The following FILIP1 variants were observed in gnomAD, a reference collection of about 807,000 sequenced individuals.
FILIP1 encodes the protein filamin-A-interacting protein 1.
FILIP1 carries 61 observed loss-of-function variants against 102.1 expected under a neutral mutation model. That is an observed-to-expected ratio of 0.60 (90% CI 0.49 to 0.74). FILIP1 has a LOEUF of 0.74. Ranked by LOEUF, FILIP1 falls within the 30% of genes least tolerant of loss-of-function variation. The probability of loss-of-function intolerance (pLI) is 0.00; values close to 1 mark genes in which losing one functional copy is unlikely to be tolerated. For synonymous variants in FILIP1, 491 were observed against 526.9 expected, an observed-to-expected ratio of 0.93 and a Z score of 0.93; for missense variants, 1,314 against 1,441.2, an observed-to-expected ratio of 0.91 and a Z score of 1.43.
intron 4 of FILIP1, among the ~76,000 whole-genome samples, chr6:75,334,963 G>T (rs908809857): frequency 1.3e-5 from 2 of 152,110 alleles, no homozygotes; most frequent in African/African-American, 4.8e-5. Flanking sequence ...TGGGAATTAC[G>T]CTCCACACTA....
intron 4 of FILIP1, among the ~76,000 whole-genome samples, chr6:75,318,215 A>G (rs1256435376): frequency 2.7e-5 from 4 of 147,426 alleles, no homozygotes; most frequent in East Asian, 2.0e-4. Context: ...TATAATATCA[A>G]TTATTATACA....
chr6:75,440,434 A>C (rs1298605510), intron 1 of FILIP1, among the ~76,000 whole-genome samples: 1 of 152,206 alleles, frequency 6.6e-6, no homozygotes, highest in Non-Finnish European at 1.5e-5. Flanking sequence ...GAGAATTTTC[A>C]CTATGAAGGG....
intron 4 of FILIP1, among the ~76,000 whole-genome samples, chr6:75,327,475 G>C (rs1773904579): frequency 6.6e-6 from 1 of 151,624 alleles, no homozygotes; most frequent in Non-Finnish European, 1.5e-5. Flanking sequence ...GGAGAAACGG[G>C]AAAGTGAACA....
chr6:75,305,099 A>G (rs1011251522), downstream of FILIP1, among the ~76,000 whole-genome samples: 1 of 152,170 alleles, frequency 6.6e-6, no homozygotes, highest in Admixed American at 6.5e-5. Context: ...GAAATAACCA[A>G]TGATGAGACC....
chr6:75,312,373 C>T (rs764142898), intron 5 of FILIP1, 24 bp downstream of exon 5: 14 of 1,598,006 alleles, frequency 8.8e-6, no homozygotes, highest in South Asian at 3.4e-5. Context: ...TGCAGGCCTG[C>T]GCTTTGGAGC....
intron 4 of FILIP1, chr6:75,319,323 T>A (rs755178819): frequency 2.2e-5 from 14 of 651,008 alleles, no homozygotes; most frequent in Non-Finnish European, 3.8e-5. Flanking sequence ...ATGTTCTTCT[T>A]TGATTTTTGG....
rs1252342661 is a variant in FILIP1 at position 75,313,962 on chromosome 6, G to A, written c.1870C>T (p.Pro624Ser). Residue 624 changes from proline (P) to serine (S), a missense_variant, in exon 5 of 6, where the codon CCG becomes TCG. Physicochemically the swap from Pro to Ser is moderately conservative, Grantham distance 74. Around this residue, in one of 3 missense-constraint regions of FILIP1, gnomAD observed 816 missense variants for 913.1 expected, o/e 0.89. Coordinates refer to ENST00000237172, the MANE Select transcript of FILIP1 (RefSeq NM_015687.5). This position sits in a 1 kb window ranked among gnomAD's most constrained non-coding sequence, Gnocchi z 4.2. Reference sequence around the variant, plus strand: ...AGTTCCTTAATCTTATTATCTTCCGGGCAGGTGAGCTCAGACCCTTTTCGT... The same window carrying A: ...AGTTCCTTAATCTTATTATCTTCCGAGCAGGTGAGCTCAGACCCTTTTCGT... ...RSRKGSELTC[P>S]EDNKIKELTL... 1.2e-6 allele frequency: 2 copies of A among 1,605,558 alleles called. No homozygotes were observed. Among genetic ancestry groups the A allele is most frequent in the South Asian group, 2.2e-5 (2 of 89,390 alleles).
chr6:75,345,906 G>T (rs556341515), intron 4 of FILIP1, among the ~76,000 whole-genome samples: 1 of 152,134 alleles, frequency 6.6e-6, no homozygotes, highest in South Asian at 2.1e-4. Context: ...TGTCATTAGG[G>T]TTCTTTCTGG....
At chr6:75,402,963 C>T (rs1776707318) in intron 2 of FILIP1, among the ~76,000 whole-genome samples, 1 of 152,092 alleles carries the variant, frequency 6.6e-6, no homozygotes, top group African/African-American at 2.4e-5. Flanking sequence ...AATAGAGTAA[C>T]AATGATATGC....
chr6:75,396,547 A>G (rs2842460), intron 2 of FILIP1, among the ~76,000 whole-genome samples: 3,586 of 152,046 alleles, frequency 0.024, 150 homozygotes, highest in African/African-American at 0.082. Flanking sequence ...AGTTGAATCC[A>G]CTATCTCGTG....
At chr6:75,437,555 G>A (rs912238182) in intron 1 of FILIP1, among the ~76,000 whole-genome samples, 2 of 152,118 alleles carry the variant, frequency 1.3e-5, no homozygotes, top group African/African-American at 2.4e-5. Flanking sequence ...TGATACAGTC[G>A]GGAATCTCTC....
intron 1 of FILIP1, among the ~76,000 whole-genome samples, chr6:75,442,208 G>A (rs1434305369): frequency 6.6e-6 from 1 of 151,962 alleles, no homozygotes; most frequent in Non-Finnish European, 1.5e-5. Context: ...CGGCCGGGAA[G>A]AGGCGCTCCT....
chr6:75,364,525 A>G (rs534601601), intron 2 of FILIP1, among the ~76,000 whole-genome samples: 4 of 152,342 alleles, frequency 2.6e-5, no homozygotes, highest in African/African-American at 9.6e-5. Context: ...CTTCAGGCAG[A>G]AAGTGCTCCT....
chr6:75,417,239 C>T lies in FILIP1; in HGVS notation c.-6-2261G>A, dbSNP rs79837280. 7.0e-3 allele frequency among the ~76,000 whole-genome samples: 1,066 copies of T among 152,198 alleles called. 35 individuals are homozygous for T. The East Asian group carries it at 0.11, about 15-fold the overall frequency. On this transcript the variant is annotated intron_variant, in intron 1 of 5. Coordinates refer to ENST00000237172, the MANE Select transcript of FILIP1 (RefSeq NM_015687.5). ...TTTCTTTTCTGATATTGAAATTTCA[C>T]ATTAATTACTTTTCCTTTGGCATGA...
Position 75,312,468 on chromosome 6 carries a change from C to T in FILIP1, c.3364G>A (p.Ala1122Thr), listed in dbSNP as rs1213459483. The change falls in exon 5 of 6, where the codon GCA (alanine) becomes ACA (threonine). Residue 1122 changes from alanine to threonine, a missense_variant. Around this residue, in one of 3 missense-constraint regions of FILIP1, gnomAD observed 816 missense variants for 913.1 expected, o/e 0.89. Transcript: ENST00000237172. Reference sequence around the variant, plus strand: ...GTGATAGTGCTCGTCACTTTGCTTGCACCAGGCCGTGAGGAGAGGTGATTC... The same window carrying T: ...GTGATAGTGCTCGTCACTTTGCTTGTACCAGGCCGTGAGGAGAGGTGATTC... ...PRNHLSSRPG[A>T]SKVTSTITIT... is the part of the protein sequence containing the mutation. 3.1e-6 allele frequency: 5 copies of T among 1,614,032 alleles called. No homozygotes were observed. The highest frequency in any genetic ancestry group is 4.2e-6 in the Non-Finnish European group (5 of 1,180,042).
intron 4 of FILIP1, among the ~76,000 whole-genome samples, chr6:75,325,543 G>GA (rs1162930894): frequency 6.6e-6 from 1 of 152,070 alleles, no homozygotes; most frequent in African/African-American, 2.4e-5. Flanking sequence ...AAATCAGCAA[G>GA]AAAAAACAAA....
intron 2 of FILIP1, among the ~76,000 whole-genome samples, chr6:75,363,663 C>T (rs73453788): frequency 0.011 from 1,694 of 152,258 alleles, 38 homozygotes; most frequent in African/African-American, 0.039. Context: ...TCTGTGGTTC[C>T]CATCACATAA....
intron 4 of FILIP1, among the ~76,000 whole-genome samples, chr6:75,348,153 C>G (rs1774660611): frequency 6.6e-6 from 1 of 151,738 alleles, no homozygotes; most frequent in African/African-American, 2.4e-5. Context: ...ACTGTGTTCT[C>G]TCTATTTTGA....
At chr6:75,433,699 A>G (rs554280269) in intron 1 of FILIP1, among the ~76,000 whole-genome samples, 2 of 152,106 alleles carry the variant, frequency 1.3e-5, no homozygotes, top group South Asian at 4.2e-4. Context: ...TTAATTAGAT[A>G]CCATTTGTCA....
Sources: allele counts gnomAD v4.1 joint callset (sites outside exome capture counted in the v4.1 genomes callset), GRCh38; gene constraint gnomAD v4.1.1; regional missense constraint gnomAD v4.1.1; non-coding constraint Gnocchi (gnomAD v3.1); transcripts MANE v1.5; gene names NCBI Gene and HGNC (gene_info 2026-07-23, HGNC 2026-07-21).